FARP2: variants seen among roughly 807,000 people sequenced by gnomAD.
FARP2 encodes FERM, ARH/RhoGEF and pleckstrin domain protein 2, also known as FERM, ARHGEF and pleckstrin domain-containing protein 2.
Under a neutral mutation model 130.5 loss-of-function variants are expected in FARP2, and 111 were observed. The observed-to-expected ratio is 0.85, with a 90% confidence interval of 0.73 to 1.00. The LOEUF is 1.00. FARP2 is among the 50% of genes least tolerant of loss of function. The pLI is 0.00. For synonymous variants in FARP2, 504 were observed against 516.9 expected (o/e 0.98, Z 0.34); for missense variants, 1,385 against 1,346.3 (o/e 1.03, Z -0.45).
At chr2:241,394,952 C>T (rs1051949317) in intron 2 of FARP2, among the ~76,000 whole-genome samples, 1 of 152,238 alleles carries the variant, frequency 6.6e-6, no homozygotes, top group Admixed American at 6.5e-5. Context: ...GATGCTCACA[C>T]TGTTCTGTGT....
Position 241,491,124 on chromosome 2 carries a change from T to C in FARP2, c.2568T>C (p.Ser856=). 1.2e-6 allele frequency: 2 copies of C among 1,612,548 alleles called. No homozygotes were observed. The highest frequency in any genetic ancestry group is 1.1e-5 in the South Asian group (1 of 91,050). Residue 856 remains serine (S), a synonymous_variant, in exon 23 of 27, where the codon AGT becomes AGC. Transcript: ENST00000264042. ...ACTCCGCGATCCAAGCAGCCAAGAG[T>C]GGCGGTGACACGGCCCCTGCACTGC... is the stretch of plus-strand genomic sequence containing the variant. ...DLNSAIQAAK[S]GGDTAPALPG... is the part of the protein sequence containing the mutation.
chr2:241,493,222 G>C, intron 25 of FARP2, 71 bp from the exon 26 acceptor site: 3 of 1,532,438 alleles, frequency 2.0e-6, no homozygotes, highest in Non-Finnish European at 2.7e-6. Context: ...CCGTTGTGCA[G>C]GTAGCAGAGG....
intron 19 of FARP2, among the ~76,000 whole-genome samples, chr2:241,480,621 G>A (rs575803976): frequency 6.6e-6 from 1 of 151,656 alleles, no homozygotes; most frequent in South Asian, 2.1e-4. Flanking sequence ...TTTAGGTATG[G>A]TATTTTATCA....
At chr2:241,465,612 T>C in intron 17 of FARP2, 1 of 1,550,754 alleles carries the variant, frequency 6.4e-7, no homozygotes, top group Non-Finnish European at 8.7e-7. Flanking sequence ...AGGTCGTGCA[T>C]TGACTGTTCA....
chr2:241,359,760 T>C (rs540642087), intron 1 of FARP2, among the ~76,000 whole-genome samples: 2 of 152,248 alleles, frequency 1.3e-5, no homozygotes, highest in African/African-American at 4.8e-5. Flanking sequence ...GTGCACACCA[T>C]GCAATCACGA....
intron 18 of FARP2, among the ~76,000 whole-genome samples, chr2:241,471,656 T>G (rs5016140): frequency 0.39 from 58,281 of 150,504 alleles, 11,462 homozygotes; most frequent in Admixed American, 0.52. Flanking sequence ...ACCACGCCTG[T>G]CTAATTTTTT....
chr2:241,487,958 C>A (rs1050619012), intron 21 of FARP2, among the ~76,000 whole-genome samples: 3 of 151,826 alleles, frequency 2.0e-5, no homozygotes, highest in African/African-American at 7.3e-5. Context: ...CCGTGTTAGG[C>A]AGGATGGTCT....
At chr2:241,483,828 A>C (rs2064686735) in intron 20 of FARP2, 1 of 985,362 alleles carries the variant, frequency 1.0e-6, no homozygotes, top group Non-Finnish European at 1.2e-6. Context: ...GTCCACATAC[A>C]TGTGGCTGCA....
chr2:241,357,021 C>T (rs2061084244), intron 1 of FARP2, among the ~76,000 whole-genome samples: 1 of 152,220 alleles, frequency 6.6e-6, no homozygotes, highest in Non-Finnish European at 1.5e-5. Flanking sequence ...TGGCCCAGTA[C>T]ATTACACACC....
chr2:241,412,609 C>G (rs1037970129), intron 6 of FARP2, among the ~76,000 whole-genome samples: 2 of 152,130 alleles, frequency 1.3e-5, no homozygotes, highest in Non-Finnish European at 2.9e-5. Context: ...AGACATTATT[C>G]ATCAAGAAAT....
intron 4 of FARP2, among the ~76,000 whole-genome samples, chr2:241,407,098 G>A (rs1020858914): frequency 1.4e-4 from 21 of 152,290 alleles, no homozygotes; most frequent in Non-Finnish European, 2.1e-4. Context: ...GTGAGCCACC[G>A]CGCCCAGCCC....
intron 12 of FARP2, among the ~76,000 whole-genome samples, chr2:241,436,756 A>G (rs966611478): frequency 6.6e-5 from 10 of 152,202 alleles, no homozygotes; most frequent in African/African-American, 2.4e-4. Context: ...AGGCCAGGGC[A>G]GGAGGGTTGC....
intron 18 of FARP2, among the ~76,000 whole-genome samples, chr2:241,471,963 C>T (rs1475140401): frequency 6.9e-6 from 1 of 144,148 alleles, no homozygotes; most frequent in Non-Finnish European, 1.5e-5. Context: ...CTGAAGGAAT[C>T]CTGTTGTGAG....
chr2:241,442,528 T>C (rs1262616380), intron 13 of FARP2: 2 of 453,400 alleles, frequency 4.4e-6, no homozygotes, highest in East Asian at 6.9e-5. Flanking sequence ...TAAAAACCCA[T>C]CTTGACCACT....
At chr2:241,454,599 C>T (rs1198255424) in intron 13 of FARP2, among the ~76,000 whole-genome samples, 2 of 152,192 alleles carry the variant, frequency 1.3e-5, no homozygotes, top group Admixed American at 1.3e-4. Flanking sequence ...CAGGGGCTAG[C>T]ACAAAGCCAC....
chr2:241,490,177 G>C, intron 22 of FARP2, 133 bp downstream of exon 22: 1 of 662,760 alleles, frequency 1.5e-6, no homozygotes, highest in Non-Finnish European at 2.7e-6. Flanking sequence ...CTTTGACTCT[G>C]AGCTCTGCTT....
At chr2:241,434,080 T>C (rs1344140927) in intron 9 of FARP2, 78 bp from the exon 10 acceptor site, 21 of 1,112,556 alleles carry the variant, frequency 1.9e-5, no homozygotes, top group Non-Finnish European at 2.7e-5. Context: ...CCCTATCGTG[T>C]GATCTGCTTC....
At chr2:241,395,626 T>G (rs2062012395) in intron 2 of FARP2, 1 of 152,258 alleles carries the variant, frequency 6.6e-6, no homozygotes, top group Non-Finnish European at 1.5e-5. Flanking sequence ...CTGGTCATGT[T>G]GAATTGCCCA....
chr2:241,465,813 A>G, intron 17 of FARP2: 1 of 1,546,828 alleles, frequency 6.5e-7, no homozygotes, highest in East Asian at 2.4e-5. Context: ...CAATCCTGCG[A>G]GACTCTGGCC....
Sources: gnomAD v4.1 joint callset for allele counts (sites outside exome capture counted in the v4.1 genomes callset) on GRCh38, gnomAD v4.1.1 for gene constraint, MANE v1.5 for transcripts, NCBI Gene and HGNC (gene_info 2026-07-23, HGNC 2026-07-21) for gene names.